The following ERAP1 variants were observed in gnomAD, a reference collection of about 807,000 sequenced individuals.
ERAP1 encodes adipocyte-derived leucine aminopeptidase.
In ERAP1, 86 loss-of-function variants were observed where a neutral mutation model predicts 103.7. That is an observed-to-expected ratio of 0.83 (90% confidence interval 0.70 to 0.99). ERAP1 has a LOEUF of 0.99. Ranked by LOEUF, ERAP1 falls within the 50% of genes least tolerant of loss-of-function variation. The pLI is 0.00. For synonymous variants in ERAP1, 398 were observed against 402.4 expected (o/e 0.99, Z 0.13); for missense variants, 1,009 against 1,128.4 (o/e 0.89, Z 1.52).
At chr5:96,770,511 T>C, downstream of ERAP1, 3 of 1,577,224 alleles carry the variant, frequency 1.9e-6, no homozygotes, top group East Asian at 2.2e-5. Context: ...CATAGCCTCA[T>C]TACATTTCCT....
the ERAP1 span, chr5:96,902,295 G>T: frequency 1.2e-6 from 2 of 1,611,020 alleles, no homozygotes; most frequent in Non-Finnish European, 1.7e-6. Context: ...ATATCCCATT[G>T]ACCTACTCCA....
At chr5:96,877,603 G>A in the ERAP1 span, among the ~76,000 whole-genome samples, 1 of 152,190 alleles carries the variant, frequency 6.6e-6, no homozygotes, top group Non-Finnish European at 1.5e-5. Context: ...CTGTTTTATG[G>A]TTGAGATAAA....
At chr5:96,926,876 G>A in the ERAP1 span, among the ~76,000 whole-genome samples, 2 of 152,162 alleles carry the variant, frequency 1.3e-5, no homozygotes, top group African/African-American at 4.8e-5. Flanking sequence ...GAGTGCACTG[G>A]TGCAGTCTCA....
the ERAP1 span, chr5:96,909,879 TGGG>T: frequency 2.9e-6 from 3 of 1,038,168 alleles, no homozygotes; most frequent in African/African-American, 1.6e-5. Context: ...AAAAACATGC[TGGG>T]CATTACAAAC....
chr5:96,841,766 T>TTTTTTTG, the ERAP1 span, among the ~76,000 whole-genome samples: 1 of 128,768 alleles, frequency 7.8e-6, no homozygotes, highest in African/African-American at 3.0e-5. Flanking sequence ...TTTTTTTTTT[T>TTTTTTTG]GAGCATTACT....
the ERAP1 span, among the ~76,000 whole-genome samples, chr5:96,913,728 T>C: frequency 6.6e-6 from 1 of 152,194 alleles, no homozygotes; most frequent in Non-Finnish European, 1.5e-5. Context: ...TTAAATGCAG[T>C]CATCAGCCCC....
chr5:96,762,774 T>G, exon 20 of ERAP1: 2 of 248,648 alleles, frequency 8.0e-6, no homozygotes, highest in Non-Finnish European at 1.5e-5. Flanking sequence ...CTCAAGTTTA[T>G]TTTATGGAAT....
At chr5:96,821,969 C>G in the ERAP1 span, among the ~76,000 whole-genome samples, 1 of 152,108 alleles carries the variant, frequency 6.6e-6, no homozygotes, top group African/African-American at 2.4e-5. Context: ...ACTCATGTGT[C>G]GTATTTATTT....
At chr5:96,781,436 A>T (rs774166954) in intron 16 of ERAP1, among the ~76,000 whole-genome samples, 1 of 152,128 alleles carries the variant, frequency 6.6e-6, no homozygotes, top group Non-Finnish European at 1.5e-5. Context: ...AAGAATAGTT[A>T]AGGAAGAGTA....
the ERAP1 span, chr5:96,896,608 C>A: frequency 6.8e-7 from 1 of 1,470,310 alleles, no homozygotes; most frequent in Non-Finnish European, 9.1e-7. Context: ...CTACTTGTTT[C>A]ACTTTTTATT....
chr5:96,914,129 G>GTCTC, the ERAP1 span, among the ~76,000 whole-genome samples: 4,070 of 146,922 alleles, frequency 0.028, 165 homozygotes, highest in African/African-American at 0.093. Flanking sequence ...ATTGCTTTCT[G>GTCTC]TCTCTCTCTC....
At chr5:96,794,956 C>T (rs1777180322) in intron 5 of ERAP1, 86 bp downstream of exon 5, 8 of 1,515,748 alleles carry the variant, frequency 5.3e-6, no homozygotes, top group Non-Finnish European at 5.4e-6. Flanking sequence ...GCTGCTGAGG[C>T]AACTACAGGG....
chr5:96,931,487 T>C, the ERAP1 span, among the ~76,000 whole-genome samples: 4 of 152,140 alleles, frequency 2.6e-5, no homozygotes, highest in African/African-American at 9.7e-5. Context: ...GTAAAAGGCA[T>C]GGTTTAAACA....
the ERAP1 span, among the ~76,000 whole-genome samples, chr5:96,863,301 T>C: frequency 6.6e-6 from 1 of 152,098 alleles, no homozygotes; most frequent in Admixed American, 6.6e-5. Context: ...CTCTACAGAT[T>C]CTACCAACAG....
chr5:96,813,269 G>A, the ERAP1 span, among the ~76,000 whole-genome samples: 1 of 152,160 alleles, frequency 6.6e-6, no homozygotes, highest in Non-Finnish European at 1.5e-5. Flanking sequence ...AGGGCAACAG[G>A]TTAGGCATAA....
At chr5:96,800,215 C>T (rs974357481) in intron 3 of ERAP1, among the ~76,000 whole-genome samples, 1 of 152,176 alleles carries the variant, frequency 6.6e-6, no homozygotes, top group African/African-American at 2.4e-5. Context: ...ACTTACTGAA[C>T]AGTTTTATTC....
rs143595169 is a variant in ERAP1 at position 96,803,579 on chromosome 5, C to A, written c.348G>T (p.Ser116=). 764 of 1,613,898 alleles carry A rather than the reference C, an allele frequency of 4.7e-4. 1 individual carries two copies. Among genetic ancestry groups the A allele is most frequent in the Non-Finnish European group, 5.7e-4 (674 of 1,179,942 alleles). Residue 116 remains serine, a synonymous_variant, in exon 2 of 19, where the codon TCG becomes TCT. Transcript: ENST00000443439. ...TLRKGAGERL[S]EEPLQVLEHP... ...GTTCCAGGACCTGCAGGGGTTCTTC[C>A]GATAGCCTCTCTCCAGCTCCCTTCC...
At chr5:96,898,572 C>CA in the ERAP1 span, among the ~76,000 whole-genome samples, 5,718 of 94,392 alleles carry the variant, frequency 0.061, 255 homozygotes, top group Middle Eastern at 0.15. Flanking sequence ...TACTAAAATA[C>CA]AAAAAAAAAA....
the ERAP1 span, among the ~76,000 whole-genome samples, chr5:96,862,195 T>C: frequency 6.6e-6 from 1 of 152,194 alleles, no homozygotes; most frequent in Non-Finnish European, 1.5e-5. Flanking sequence ...TCTTCCTATG[T>C]TGTCCAAGCT....
Sources: allele counts gnomAD v4.1 joint callset (sites outside exome capture counted in the v4.1 genomes callset), GRCh38; gene constraint gnomAD v4.1.1; transcripts MANE v1.5; gene names NCBI Gene and HGNC (gene_info 2026-07-23, HGNC 2026-07-21).